The following DNMBP variants were observed in gnomAD, a reference collection of about 807,000 sequenced individuals.
DNMBP encodes the protein dynamin binding protein, also known as dynamin-binding protein.
DNMBP carries 87 observed loss-of-function variants against 150.0 expected under a neutral mutation model. The observed-to-expected ratio is 0.58, with a 90% CI of 0.49 to 0.69. DNMBP has a LOEUF of 0.69. DNMBP is among the 30% of genes least tolerant of loss of function. The pLI, the probability that DNMBP is intolerant of heterozygous loss-of-function variation, is 0.00. For missense variants in DNMBP, 1,774 were observed against 1,949.0 expected (o/e 0.91, Z 1.69); for synonymous variants, 711 against 750.4 (o/e 0.95, Z 0.86).
At chr10:99,883,612 G>A (rs890400159) in intron 15 of DNMBP, among the ~76,000 whole-genome samples, 2 of 123,008 alleles carry the variant, frequency 1.6e-5, no homozygotes, top group Admixed American at 1.0e-4. Context: ...CTGCACTCCA[G>A]CCTGGATAAC....
At chr10:99,929,201 AGTGT>A (rs2040116985) in intron 4 of DNMBP, among the ~76,000 whole-genome samples, 1 of 151,876 alleles carries the variant, frequency 6.6e-6, no homozygotes, top group Non-Finnish European at 1.5e-5. Flanking sequence ...TGTCCAAAGA[AGTGT>A]AGAGACTGAG....
chr10:99,908,809 G>T, intron 5 of DNMBP, 144 bp downstream of exon 5: 3 of 723,392 alleles, frequency 4.1e-6, no homozygotes, highest in Non-Finnish European at 6.8e-6. Context: ...GTATGTTGAG[G>T]CCCTTGATTA....
intron 1 of DNMBP, among the ~76,000 whole-genome samples, chr10:99,984,198 G>T (rs1283909637): frequency 6.6e-6 from 1 of 152,084 alleles, no homozygotes; most frequent in African/African-American, 2.4e-5. Context: ...GAGGTCCCAA[G>T]ATTAATATTT....
intron 1 of DNMBP, among the ~76,000 whole-genome samples, chr10:99,998,002 A>C (rs1486456501): frequency 6.7e-6 from 1 of 148,540 alleles, no homozygotes; most frequent in African/African-American, 2.5e-5. Flanking sequence ...TTGGGAGGCC[A>C]AGGTGGGCAG....
intron 16 of DNMBP, among the ~76,000 whole-genome samples, chr10:99,878,746 C>T (rs1005230696): frequency 1.3e-5 from 2 of 152,150 alleles, no homozygotes; most frequent in Non-Finnish European, 2.9e-5. Context: ...GGAAGATGCT[C>T]CACTGAAGAG....
At chr10:99,888,052 A>T (rs1052329420) in intron 12 of DNMBP, among the ~76,000 whole-genome samples, 1 of 151,868 alleles carries the variant, frequency 6.6e-6, no homozygotes, top group African/African-American at 2.4e-5. Context: ...TCAACTCCCA[A>T]CCTCAGGTGA....
chr10:99,878,369 T>C (rs1321672751), intron 16 of DNMBP, among the ~76,000 whole-genome samples: 1 of 152,208 alleles, frequency 6.6e-6, no homozygotes, highest in African/African-American at 2.4e-5. Context: ...CTTTAGGACC[T>C]GGTCAGGGAC....
Position 99,885,845 on chromosome 10 carries a change from C to G in DNMBP, c.3640G>C (p.Glu1214Gln). Residue 1214 changes from glutamate (E) to glutamine (Q), a missense_variant, in exon 14 of 17, where the codon GAG becomes CAG. Around this residue, in one of 2 missense-constraint regions of DNMBP, gnomAD observed 1,430 missense variants for 1,492.5 expected, o/e 0.96. Transcript: ENST00000324109. The part of the protein sequence containing the change: ...LLSLLKVAGR[E>Q]GNLIAIFHEE... ...TGGAAGATGGCAATAAGGTTTCCCTCTCTGCCAGCCACTTTGAGTAACTGG... is the reference window on the plus strand; with the variant it reads ...TGGAAGATGGCAATAAGGTTTCCCTGTCTGCCAGCCACTTTGAGTAACTGG... 1 of 1,612,504 alleles carries G rather than the reference C, an allele frequency of 6.2e-7. No homozygotes were observed. The highest frequency in any genetic ancestry group is 1.1e-5 in the South Asian group (1 of 90,534).
At chr10:100,001,124 G>A (rs191562933) in intron 1 of DNMBP, among the ~76,000 whole-genome samples, 5 of 149,258 alleles carry the variant, frequency 3.3e-5, no homozygotes, top group African/African-American at 9.8e-5. Flanking sequence ...CCAGCTACTC[G>A]GGAGGCTAAG....
At chr10:99,947,721 C>T (rs1243849572) in intron 4 of DNMBP, among the ~76,000 whole-genome samples, 4 of 152,144 alleles carry the variant, frequency 2.6e-5, no homozygotes, top group Non-Finnish European at 5.9e-5. Flanking sequence ...CTGAATCTAA[C>T]ATTTAAAAGT....
At position 99,877,119 on chromosome 10, in the gene DNMBP, G is replaced by GGCA. The variant is rs2039286542; in HGVS notation, c.*29_*31dup. 6.3e-7 allele frequency: 1 copy of GGCA among 1,576,614 alleles called. No homozygotes were observed. The highest frequency in any genetic ancestry group is 1.4e-5 in the African/African-American group (1 of 73,442). On this transcript the variant is annotated 3_prime_UTR_variant, in exon 17 of 17. Coordinates refer to ENST00000324109, the MANE Select transcript of DNMBP (RefSeq NM_015221.4). ...GAACCCTCGGCGGACTGAAAGCAAAGGCAGCAAGGCTGGGTGGCAGGCAAC... is the reference window on the plus strand; with the variant it reads ...GAACCCTCGGCGGACTGAAAGCAAAGGCAGCAGCAAGGCTGGGTGGCAGGCAAC...
intron 1 of DNMBP, among the ~76,000 whole-genome samples, chr10:99,987,457 G>A (rs920907224): frequency 6.6e-6 from 1 of 152,210 alleles, no homozygotes; most frequent in African/African-American, 2.4e-5. Context: ...GGAGAGGCTG[G>A]GTGCAGTGGT....
At chr10:99,979,770 G>A (rs1030876664) in intron 1 of DNMBP, among the ~76,000 whole-genome samples, 11 of 152,162 alleles carry the variant, frequency 7.2e-5, no homozygotes, top group African/African-American at 1.9e-4. Flanking sequence ...ACAGCACGCC[G>A]TTTTCAGGCC....
At position 99,883,444 on chromosome 10, in the gene DNMBP, G is replaced by A. The variant is rs569767233; in HGVS notation, c.3997+567C>T. 6.6e-5 allele frequency among the ~76,000 whole-genome samples: 10 copies of A among 151,698 alleles called. 1 individual carries two copies. The South Asian group carries it at 2.1e-3, about 32-fold the overall frequency. On this transcript the variant is annotated intron_variant, in intron 15 of 16. Coordinates refer to ENST00000324109, the MANE Select transcript of DNMBP (RefSeq NM_015221.4). ...TTTAGGAGGTCCAGGCAGGAGGACG[G>A]CTTGAGCCTAGAAGTTGGAGACCAG...
intron 3 of DNMBP, among the ~76,000 whole-genome samples, chr10:99,966,069 T>A (rs539001029): frequency 5.3e-5 from 8 of 152,168 alleles, no homozygotes; most frequent in Non-Finnish European, 1.2e-4. Context: ...AAAGAGAAAT[T>A]AAAATCATTT....
chr10:99,902,835 G>A (rs2039765173), intron 6 of DNMBP, among the ~76,000 whole-genome samples: 1 of 151,580 alleles, frequency 6.6e-6, no homozygotes, highest in South Asian at 2.1e-4. Context: ...GACTGAGGCA[G>A]GAGAATCGTT....
At position 99,960,897 on chromosome 10, in the gene DNMBP, A is replaced by T. The variant is rs370573810; in HGVS notation, c.269-3692T>A. Reference sequence around the variant, plus strand: ...TGAGGCTGAGGTGGAAGACTGCTTGAGCCCAACAGTTCAAGGCTACAGTGA... The same window carrying T: ...TGAGGCTGAGGTGGAAGACTGCTTGTGCCCAACAGTTCAAGGCTACAGTGA... On this transcript the variant is annotated intron_variant, in intron 3 of 16. Transcript: ENST00000324109. Among the ~76,000 whole-genome samples, 61 of 152,086 alleles carry T rather than the reference A, an allele frequency of 4.0e-4. 1 individual carries two copies. Among genetic ancestry groups the T allele is most frequent in the Middle Eastern group, 6.8e-3 (2 of 294 alleles).
chr10:99,956,171 C>T lies in DNMBP; in HGVS notation c.1303G>A (p.Gly435Arg), dbSNP rs144708424. ...TACTGTTCTGAGTGCGGGTGGCTCCCTCCCACTGTAGAATAATACTGGCTT... is the reference window on the plus strand; with the variant it reads ...TACTGTTCTGAGTGCGGGTGGCTCCTTCCCACTGTAGAATAATACTGGCTT... Reference protein sequence around the residue: ...QKSQYYSTVGGSHPHSEQYPD... With the variant: ...QKSQYYSTVGRSHPHSEQYPD... Residue 435 changes from glycine (G) to arginine (R), a missense_variant, in exon 4 of 17, where the codon GGG becomes AGG. Physicochemically the swap from Gly to Arg is moderately radical, Grantham distance 125. This residue lies in a region of DNMBP where 1,430 missense variants were observed against 1,492.5 expected (regional missense o/e 0.96). Transcript: ENST00000324109. 109 of 1,614,108 alleles carry T rather than the reference C, an allele frequency of 6.8e-5. No individual in the cohort carries two copies. The African/African-American group carries it at 1.3e-3, about 19-fold the overall frequency.
In DNMBP at chr10:99,927,232, G is replaced by A. The variant is rs928212311; in HGVS notation, c.2261-18086C>T. ...TCAAACTTGAAGTGTTTACGGTCTA[G>A]GGTAGATGTCCAACAGGGAGCAGGG... On this transcript the variant is annotated intron_variant, in intron 4 of 16. Coordinates refer to ENST00000324109, the MANE Select transcript of DNMBP (RefSeq NM_015221.4). 3.3e-5 allele frequency: 5 copies of A among 152,198 alleles called. No homozygotes were observed. The East Asian group carries it at 5.8e-4, about 18-fold the overall frequency. 9.4% of individuals were successfully genotyped at this position (152,198 alleles called of 1,614,324 possible). A position where few individuals can be genotyped will look rare whatever the true frequency, so the allele number is the denominator to read the frequency against.
Sources: allele counts gnomAD v4.1 joint callset (sites outside exome capture counted in the v4.1 genomes callset), GRCh38; gene constraint gnomAD v4.1.1; regional missense constraint gnomAD v4.1.1; transcripts MANE v1.5; gene names NCBI Gene and HGNC (gene_info 2026-07-23, HGNC 2026-07-21).